The following PCDHGA6 variants were observed in gnomAD, a reference collection of about 807,000 sequenced individuals.
PCDHGA6 encodes protocadherin gamma-A6.
Under a neutral mutation model 60.6 loss-of-function variants are expected in PCDHGA6, and 41 were observed. That is an observed-to-expected ratio of 0.68 (90% CI 0.53 to 0.88). The LOEUF (loss-of-function observed/expected upper bound fraction) is 0.88. PCDHGA6 is among the 40% of genes least tolerant of loss of function. The probability of loss-of-function intolerance (pLI) is 0.00; values close to 1 mark genes in which losing one functional copy is unlikely to be tolerated. For synonymous variants in PCDHGA6, 594 were observed against 524.4 expected (o/e 1.13, Z -1.81); for missense variants, 1,312 against 1,203.0 (o/e 1.09, Z -1.34).
intron 1 of PCDHGA6, chr5:141,392,814 A>G: frequency 2.5e-6 from 4 of 1,585,078 alleles, no homozygotes; most frequent in South Asian, 2.3e-5. Flanking sequence ...CAAAACAACA[A>G]TGGCCGCTCC....
intron 1 of PCDHGA6, chr5:141,424,160 CATCT>C (rs1554117117): frequency 1.5e-5 from 4 of 273,202 alleles, no homozygotes; most frequent in South Asian, 1.4e-4. Flanking sequence ...CTCTCCTTCT[CATCT>C]ATCTATCTAT....
Position 141,431,758 on chromosome 5 carries a change from C to T in PCDHGA6, c.2424+55251C>T. Reference sequence around the variant, plus strand: ...CAGGATATTCTGCGCGAGCCAAAGTCCTGATCACTGTTCTGGACGTGAACG... The same window carrying T: ...CAGGATATTCTGCGCGAGCCAAAGTTCTGATCACTGTTCTGGACGTGAACG... On this transcript the variant is annotated intron_variant, in intron 1 of 3. Transcript: ENST00000517434. This position sits in a 1 kb window ranked among gnomAD's most constrained non-coding sequence, Gnocchi z 4.8. 1.9e-6 allele frequency: 3 copies of T among 1,614,172 alleles called. No homozygotes were observed. The highest frequency in any genetic ancestry group is 1.7e-6 in the Non-Finnish European group (2 of 1,180,020).
At chr5:141,383,534 T>C in intron 1 of PCDHGA6, 6 of 1,612,436 alleles carry the variant, frequency 3.7e-6, no homozygotes, top group Non-Finnish European at 5.1e-6. Context: ...CACCTGGTCC[T>C]CACAGCCTCT....
chr5:141,414,434 C>A (rs774467993), intron 1 of PCDHGA6: 2 of 1,613,822 alleles, frequency 1.2e-6, no homozygotes, highest in Non-Finnish European at 8.5e-7. Flanking sequence ...GAACAGGTAT[C>A]CTCTTACAAT....
At chr5:141,389,655 G>A in intron 1 of PCDHGA6, 1 of 1,612,562 alleles carries the variant, frequency 6.2e-7, no homozygotes, top group South Asian at 1.1e-5. Flanking sequence ...CAAGGTAGTG[G>A]CGGTGGACGC....
chr5:141,490,051 G>T lies in PCDHGA6; in HGVS notation c.2425-4756G>T, dbSNP rs779280988. On this transcript the variant is annotated intron_variant, in intron 1 of 3. Coordinates refer to ENST00000517434, the MANE Select transcript of PCDHGA6 (RefSeq NM_018919.3). The surrounding 1 kb of genome is among the most constrained non-coding windows in gnomAD (Gnocchi z 5.4). ...CCGCCTCAATGCCACTGATCCAGACGAGGGCACCAACGGCCAACTAGACTA... is the reference window on the plus strand; with the variant it reads ...CCGCCTCAATGCCACTGATCCAGACTAGGGCACCAACGGCCAACTAGACTA... 3 of 1,614,214 alleles carry T rather than the reference G, an allele frequency of 1.9e-6. No homozygotes were observed. The Middle Eastern group carries it at 4.9e-4, about 266-fold the overall frequency.
intron 1 of PCDHGA6, among the ~76,000 whole-genome samples, chr5:141,461,231 T>C (rs1042368465): frequency 6.6e-5 from 10 of 152,068 alleles, no homozygotes; most frequent in African/African-American, 2.4e-4. Context: ...TCCATAGAGG[T>C]TGTACTAATT....
At chr5:141,441,890 T>C (rs967557692) in intron 1 of PCDHGA6, 18 of 348,170 alleles carry the variant, frequency 5.2e-5, no homozygotes, top group Non-Finnish European at 7.2e-5. Flanking sequence ...GTCACCAAGG[T>C]GGTGGCTGTA....
At chr5:141,430,575 A>G in intron 1 of PCDHGA6, 2 of 455,822 alleles carry the variant, frequency 4.4e-6, no homozygotes, top group East Asian at 3.5e-5. Flanking sequence ...AAAAGCGGAG[A>G]TCCTGCTCGC....
At chr5:141,385,354 G>A (rs1781142945) in intron 1 of PCDHGA6, 1 of 1,550,398 alleles carries the variant, frequency 6.4e-7, no homozygotes, top group South Asian at 1.2e-5. Context: ...ATTTCCATGA[G>A]GAATTTATTT....
chr5:141,381,852 A>T (rs1777673646), intron 1 of PCDHGA6, among the ~76,000 whole-genome samples: 2 of 41,770 alleles, frequency 4.8e-5, no homozygotes, highest in African/African-American at 1.3e-4. Flanking sequence ...TTTTTTTGGC[A>T]GAGTTTTGCT....
At chr5:141,433,381 A>ATCTC (rs1561869478) in intron 1 of PCDHGA6, among the ~76,000 whole-genome samples, 1 of 151,148 alleles carries the variant, frequency 6.6e-6, no homozygotes, top group Admixed American at 6.6e-5. Flanking sequence ...CTATCTATCT[A>ATCTC]TCTATCTATC....
intron 1 of PCDHGA6, chr5:141,392,409 A>G (rs1308940731): frequency 6.4e-6 from 1 of 156,720 alleles, no homozygotes; most frequent in African/African-American, 2.4e-5. Context: ...ACTAAATAAA[A>G]CCTTCATCTC....
chr5:141,456,968 A>AAAACAAAC (rs202005606), intron 1 of PCDHGA6, among the ~76,000 whole-genome samples: 1 of 152,282 alleles, frequency 6.6e-6, no homozygotes, highest in Admixed American at 6.5e-5. Flanking sequence ...ATCTCAAAAC[A>AAAACAAAC]AAACAAACAA....
In PCDHGA6 at chr5:141,470,146, A is replaced by G. The variant is rs181633492; in HGVS notation, c.2425-24661A>G. On this transcript the variant is annotated intron_variant, in intron 1 of 3. Coordinates refer to ENST00000517434, the MANE Select transcript of PCDHGA6 (RefSeq NM_018919.3). ...TTCGTCTCAAAAAAAAAGATCATAG[A>G]TCATCTTATCAAATCAAAGTATGCA... Among the ~76,000 whole-genome samples, 102 of 152,308 alleles carry G rather than the reference A, an allele frequency of 6.7e-4. 2 individuals carry two copies. Among genetic ancestry groups the G allele is most frequent in the African/African-American group, 2.4e-3 (99 of 41,558 alleles).
intron 1 of PCDHGA6, among the ~76,000 whole-genome samples, chr5:141,468,089 T>C (rs1349447353): frequency 6.6e-6 from 1 of 151,010 alleles, no homozygotes; most frequent in Non-Finnish European, 1.5e-5. Context: ...CTTTGGGAGG[T>C]TGAGGCAGGC....
At chr5:141,423,398 G>T in intron 1 of PCDHGA6, 7 of 1,614,172 alleles carry the variant, frequency 4.3e-6, no homozygotes, top group Non-Finnish European at 5.9e-6. Flanking sequence ...CATAAGTCAC[G>T]CCTGCTGCAG....
At chr5:141,446,604 G>C (rs1226194089) in intron 1 of PCDHGA6, among the ~76,000 whole-genome samples, 1 of 152,134 alleles carries the variant, frequency 6.6e-6, no homozygotes, top group Non-Finnish European at 1.5e-5. Flanking sequence ...AGCCTCCTGA[G>C]TAGCTGGGAC....
intron 1 of PCDHGA6, among the ~76,000 whole-genome samples, chr5:141,400,876 T>G (rs1304937244): frequency 6.6e-6 from 1 of 152,230 alleles, no homozygotes; most frequent in East Asian, 1.9e-4. Flanking sequence ...ACCATTAAAT[T>G]TAATGTATGT....
Sources: gnomAD v4.1 joint callset for allele counts (sites outside exome capture counted in the v4.1 genomes callset) on GRCh38, gnomAD v4.1.1 for gene constraint, Gnocchi (gnomAD v3.1) non-coding constraint, MANE v1.5 for transcripts, NCBI Gene and HGNC (gene_info 2026-07-23, HGNC 2026-07-21) for gene names.